The following NRCAM variants were observed in gnomAD, a reference collection of about 807,000 sequenced individuals.
NRCAM encodes NgCAM-related cell adhesion molecule.
A neutral mutation model predicts 156.5 loss-of-function variants in NRCAM; 83 were observed. The ratio of observed to expected loss-of-function variants is 0.53; its 90% CI spans 0.44 to 0.64. NRCAM has a LOEUF of 0.64. NRCAM is among the 30% of genes least tolerant of loss of function. NRCAM has a pLI of 0.00. For synonymous variants in NRCAM, 538 were observed against 563.9 expected, an observed-to-expected ratio of 0.95 and a Z score of 0.65; for missense variants, 1,417 against 1,597.3, an observed-to-expected ratio of 0.89 and a Z score of 1.92.
At chr7:108,241,296 T>A (rs1394787154) in intron 3 of NRCAM, among the ~76,000 whole-genome samples, 1 of 152,194 alleles carries the variant, frequency 6.6e-6, no homozygotes, top group Non-Finnish European at 1.5e-5. Flanking sequence ...GCCTTGCATA[T>A]TGGAAGTGTC....
intron 13 of NRCAM, among the ~76,000 whole-genome samples, chr7:108,200,974 G>C (rs953097191): frequency 6.6e-6 from 1 of 151,970 alleles, no homozygotes; most frequent in Non-Finnish European, 1.5e-5. Flanking sequence ...TTGAACTTTG[G>C]GGTCTCAAAG....
At chr7:108,310,877 G>T (rs988003623) in intron 3 of NRCAM, among the ~76,000 whole-genome samples, 1 of 152,156 alleles carries the variant, frequency 6.6e-6, no homozygotes, top group Non-Finnish European at 1.5e-5. Flanking sequence ...AGACCAACAA[G>T]AAGTGTGTAT....
intron 12 of NRCAM, among the ~76,000 whole-genome samples, chr7:108,208,535 C>T (rs2082359612): frequency 1.3e-5 from 2 of 152,064 alleles, no homozygotes; most frequent in South Asian, 4.2e-4. Flanking sequence ...TTAGGATTTC[C>T]GTTTTTGCAT....
intron 3 of NRCAM, among the ~76,000 whole-genome samples, chr7:108,290,716 C>G (rs1034381596): frequency 6.6e-6 from 1 of 152,096 alleles, no homozygotes; most frequent in Non-Finnish European, 1.5e-5. Flanking sequence ...GAACTGTAAT[C>G]GTTTTTTAGA....
At chr7:108,190,141 TA>T (rs2070235552) in intron 19 of NRCAM, among the ~76,000 whole-genome samples, 1 of 152,176 alleles carries the variant, frequency 6.6e-6, no homozygotes, top group African/African-American at 2.4e-5. Flanking sequence ...TACAGGCAAA[TA>T]AAAGGTGCTG....
intron 3 of NRCAM, among the ~76,000 whole-genome samples, chr7:108,299,679 C>A (rs941957875): frequency 8.5e-5 from 13 of 152,268 alleles, no homozygotes; most frequent in Middle Eastern, 3.4e-3. Flanking sequence ...GAACGGGCAG[C>A]CGGGTAATAA....
chr7:108,297,704 T>C (rs1563155674), intron 3 of NRCAM, among the ~76,000 whole-genome samples: 1 of 152,024 alleles, frequency 6.6e-6, no homozygotes, highest in Admixed American at 6.5e-5. Context: ...CTGCAAATTA[T>C]ATAGTTTCTT....
At chr7:108,450,920 C>T (rs904513696) in intron 1 of NRCAM, among the ~76,000 whole-genome samples, 1 of 152,124 alleles carries the variant, frequency 6.6e-6, no homozygotes, top group Non-Finnish European at 1.5e-5. Context: ...TAATTTACAG[C>T]TTTAAAAGAT....
At chr7:108,204,329 A>G (rs2079845073) in intron 13 of NRCAM, among the ~76,000 whole-genome samples, 1 of 152,234 alleles carries the variant, frequency 6.6e-6, no homozygotes, top group African/African-American at 2.4e-5. Flanking sequence ...TTGAAGACTT[A>G]GCATCCACCC....
At chr7:108,452,411 G>T (rs1232038140) in intron 1 of NRCAM, among the ~76,000 whole-genome samples, 4 of 152,080 alleles carry the variant, frequency 2.6e-5, no homozygotes, top group African/African-American at 7.2e-5. Flanking sequence ...AATGCTGTGG[G>T]GGGGGGAAGA....
intron 2 of NRCAM, among the ~76,000 whole-genome samples, chr7:108,344,018 C>A (rs1594379451): frequency 6.6e-6 from 1 of 152,172 alleles, no homozygotes; most frequent in African/African-American, 2.4e-5. Flanking sequence ...CTAGCCCATG[C>A]TCTGATGTTA....
At chr7:108,367,268 G>C (rs1009866671) in intron 2 of NRCAM, among the ~76,000 whole-genome samples, 9 of 151,940 alleles carry the variant, frequency 5.9e-5, no homozygotes, top group South Asian at 2.1e-4. Flanking sequence ...AAAACTCTAA[G>C]TTCATATTTT....
At chr7:108,235,659 C>T (rs2094889082) in intron 5 of NRCAM, among the ~76,000 whole-genome samples, 1 of 152,102 alleles carries the variant, frequency 6.6e-6, no homozygotes, top group Non-Finnish European at 1.5e-5. Context: ...CTACCAGAGG[C>T]AATTTGTTTC....
At chr7:108,253,174 G>A (rs1004001683) in intron 3 of NRCAM, among the ~76,000 whole-genome samples, 1 of 152,160 alleles carries the variant, frequency 6.6e-6, no homozygotes, top group African/African-American at 2.4e-5. Context: ...ATGCTAGGGG[G>A]GATTCAAATA....
At chr7:108,219,202 T>C (rs1197812567) in intron 11 of NRCAM, among the ~76,000 whole-genome samples, 4 of 151,426 alleles carry the variant, frequency 2.6e-5, no homozygotes, top group African/African-American at 9.8e-5. Flanking sequence ...AGCAGCAAGA[T>C]CAAAATAGTA....
chr7:108,374,263 GCA>G (rs1270173501), intron 2 of NRCAM, among the ~76,000 whole-genome samples: 3 of 152,162 alleles, frequency 2.0e-5, no homozygotes, highest in African/African-American at 7.2e-5. Context: ...GACTTCAGTT[GCA>G]GTCACTAGAA....
At chr7:108,174,251 C>T (rs572134300) in intron 28 of NRCAM, among the ~76,000 whole-genome samples, 2 of 152,270 alleles carry the variant, frequency 1.3e-5, no homozygotes, top group South Asian at 4.1e-4. Context: ...GGCTACAGTC[C>T]TTATTCAATA....
At chr7:108,245,209 C>T (rs1443496442) in intron 3 of NRCAM, among the ~76,000 whole-genome samples, 3 of 152,104 alleles carry the variant, frequency 2.0e-5, no homozygotes, top group African/African-American at 7.2e-5. Context: ...GGTTCTGGAG[C>T]TTTTAGCCAT....
Position 108,249,891 on chromosome 7 carries a change from TCA to T in NRCAM, c.-106-9723_-106-9722del, listed in dbSNP as rs1027425906. ...CCATTGTGATGATTTAAAAGAAATG[TCA>T]ATTCAAAGAGCACTTTAGGTAGAAA... On this transcript the variant is annotated intron_variant, in intron 3 of 32. Coordinates refer to ENST00000379028, the MANE Select transcript of NRCAM (RefSeq NM_001037132.4). Among the ~76,000 whole-genome samples, 71 of 152,168 alleles carry T rather than the reference TCA, an allele frequency of 4.7e-4. 2 individuals carry two copies. Among genetic ancestry groups the T allele is most frequent in the Non-Finnish European group, 1.6e-4 (11 of 68,014 alleles).
Sources: allele counts gnomAD v4.1 joint callset (sites outside exome capture counted in the v4.1 genomes callset), GRCh38; gene constraint gnomAD v4.1.1; transcripts MANE v1.5; gene names NCBI Gene and HGNC (gene_info 2026-07-23, HGNC 2026-07-21).